Variants in XIRP2 observed in about 807,000 individuals in gnomAD.
XIRP2 encodes the protein xin actin binding repeat containing 2.
XIRP2 carries 236 observed loss-of-function variants against 277.0 expected under a neutral mutation model. The observed-to-expected ratio is 0.85, with a 90% CI of 0.77 to 0.95. The LOEUF is 0.95. Among genes scored for constraint, XIRP2 ranks in the 40% least tolerant of loss-of-function variants. The pLI is 0.00. For synonymous variants in XIRP2, 1,490 were observed against 1,416.5 expected (o/e 1.05, Z -1.17); for missense variants, 4,640 against 4,157.5 (o/e 1.12, Z -3.19).
intron 2 of XIRP2, among the ~76,000 whole-genome samples, chr2:167,086,293 G>A (rs1344204944): frequency 3.3e-5 from 5 of 152,188 alleles, no homozygotes; most frequent in East Asian, 3.9e-4. Flanking sequence ...TGGCTTGTAG[G>A]GTTTCTGCTG....
chr2:167,186,564 G>A (rs1022508795), intron 3 of XIRP2, among the ~76,000 whole-genome samples: 1 of 152,098 alleles, frequency 6.6e-6, no homozygotes, highest in African/African-American at 2.4e-5. Flanking sequence ...ATGAGATGTT[G>A]TCATTTTTGA....
chr2:166,906,877 A>G (rs952524797), intron 2 of XIRP2, among the ~76,000 whole-genome samples: 1 of 152,132 alleles, frequency 6.6e-6, no homozygotes, highest in Non-Finnish European at 1.5e-5. Flanking sequence ...CTATGATTGC[A>G]CCACTGCATT....
At chr2:167,110,825 T>G (rs2105294662) in intron 2 of XIRP2, among the ~76,000 whole-genome samples, 1 of 152,272 alleles carries the variant, frequency 6.6e-6, no homozygotes. Flanking sequence ...TTTCCATTTG[T>G]TTGTATCATT....
At chr2:167,085,722 T>C (rs1689920152) in intron 2 of XIRP2, among the ~76,000 whole-genome samples, 1 of 151,870 alleles carries the variant, frequency 6.6e-6, no homozygotes. Flanking sequence ...TCTTTTGATC[T>C]TTGTTGGTTT....
At chr2:167,190,663 G>T (rs1337200002) in intron 3 of XIRP2, among the ~76,000 whole-genome samples, 2 of 151,982 alleles carry the variant, frequency 1.3e-5, no homozygotes, top group Admixed American at 6.6e-5. Context: ...ATCAGTAAGA[G>T]CACAAAAAAC....
chr2:167,111,010 C>T lies in XIRP2; in HGVS notation c.409-24899C>T, dbSNP rs138831375. On this transcript the variant is annotated intron_variant, in intron 2 of 10. Transcript: ENST00000409195. ...TGTATAGGAGTGCTAGTGATTTTTG[C>T]GCGTTGATTTTGTATCCTGATGAAA... 7.0e-3 allele frequency among the ~76,000 whole-genome samples: 1,069 copies of T among 152,030 alleles called. 13 individuals carry two copies. The highest frequency in any genetic ancestry group is 0.024 in the African/African-American group (1,002 of 41,494).
At chr2:167,185,019 T>C (rs764846611) in intron 3 of XIRP2, among the ~76,000 whole-genome samples, 5 of 152,196 alleles carry the variant, frequency 3.3e-5, no homozygotes, top group Non-Finnish European at 7.3e-5. Flanking sequence ...TGTCTTGCTT[T>C]CATAGTGGTT....
intron 3 of XIRP2, among the ~76,000 whole-genome samples, chr2:167,162,441 A>G (rs1277089480): frequency 2.0e-5 from 3 of 152,194 alleles, no homozygotes; most frequent in Non-Finnish European, 4.4e-5. Context: ...GGTAGAAGAC[A>G]CATATCACAC....
intron 2 of XIRP2, among the ~76,000 whole-genome samples, chr2:166,942,302 T>G (rs964618289): frequency 2.6e-5 from 4 of 152,210 alleles, no homozygotes; most frequent in Admixed American, 1.3e-4. Context: ...AAGTTTAGCC[T>G]TGGAGTCAAG....
At chr2:167,136,469 C>T (rs994582821) in intron 3 of XIRP2, among the ~76,000 whole-genome samples, 1 of 152,004 alleles carries the variant, frequency 6.6e-6, no homozygotes, top group African/African-American at 2.4e-5. Flanking sequence ...AAATAAGATG[C>T]CTTAAGCATC....
intron 2 of XIRP2, among the ~76,000 whole-genome samples, chr2:166,961,385 G>A (rs1232742995): frequency 6.6e-6 from 1 of 151,636 alleles, no homozygotes; most frequent in Non-Finnish European, 1.5e-5. Context: ...GGGCCATGAG[G>A]TTGCTTTAAA....
chr2:167,131,131 C>G (rs1691362002), intron 2 of XIRP2, among the ~76,000 whole-genome samples: 1 of 152,060 alleles, frequency 6.6e-6, no homozygotes, highest in South Asian at 2.1e-4. Context: ...TTCAAGCTAC[C>G]AAGCTTGCAA....
chr2:167,228,259 T>C (rs1440007474), intron 5 of XIRP2, among the ~76,000 whole-genome samples: 1 of 152,172 alleles, frequency 6.6e-6, no homozygotes, highest in Non-Finnish European at 1.5e-5. Context: ...TGCTGAGGCA[T>C]GATCATAAAG....
At chr2:167,236,130 C>T (rs770607447) in intron 5 of XIRP2, among the ~76,000 whole-genome samples, 4 of 151,884 alleles carry the variant, frequency 2.6e-5, no homozygotes, top group African/African-American at 4.8e-5. Context: ...CATGAACTTC[C>T]GTTTTTTCCA....
Position 167,246,195 on chromosome 2 carries a change from CA to C in XIRP2, c.4804del (p.Arg1602GlyfsTer7), listed in dbSNP as rs778219560. Reference protein sequence around the residue: ...SPEIQKEEIIRADLRNIMVNL... With the variant: ...SPEIQKEEIIXADLRNIMVNL... ...CTGAGATACAGAAAGAAGAAATTAT[CA>C]GGGCTGATCTCAGAAATATAATGGT... On this transcript the variant is annotated frameshift_variant, in exon 9 of 11. Transcript: ENST00000409195. LOFTEE classifies it high-confidence loss of function. 1 of 1,612,252 alleles carries C rather than the reference CA, an allele frequency of 6.2e-7. No individual in the cohort carries two copies. Among genetic ancestry groups the C allele is most frequent in the South Asian group, 1.1e-5 (1 of 90,660 alleles).
At chr2:167,207,308 A>G (rs1693886438) in intron 3 of XIRP2, among the ~76,000 whole-genome samples, 1 of 152,192 alleles carries the variant, frequency 6.6e-6, no homozygotes, top group African/African-American at 2.4e-5. Flanking sequence ...GTGCATATCC[A>G]TAAGAATTCT....
chr2:167,194,018 T>C (rs1345152427), intron 3 of XIRP2, among the ~76,000 whole-genome samples: 1 of 152,056 alleles, frequency 6.6e-6, no homozygotes, highest in Non-Finnish European at 1.5e-5. Context: ...GGTGGATATA[T>C]AAAAGGAGTT....
At chr2:167,257,315 G>T (rs1695683604) in intron 10 of XIRP2, among the ~76,000 whole-genome samples, 1 of 151,868 alleles carries the variant, frequency 6.6e-6, no homozygotes, top group African/African-American at 2.4e-5. Flanking sequence ...TCTTGTTGAT[G>T]TATCTGTTTT....
Position 167,024,559 on chromosome 2 carries a change from T to C in XIRP2, c.409-111350T>C, listed in dbSNP as rs202198693. ...TTTTCAAAGGCAATGCTTCCAGTTTTTGCCCATTCAGTATGATATTGGCTG... is the reference window on the plus strand; with the variant it reads ...TTTTCAAAGGCAATGCTTCCAGTTTCTGCCCATTCAGTATGATATTGGCTG... On this transcript the variant is annotated intron_variant, in intron 2 of 10. Coordinates refer to ENST00000409195, the MANE Select transcript of XIRP2 (RefSeq NM_152381.6). Among the ~76,000 whole-genome samples, 147 of 152,298 alleles carry C rather than the reference T, an allele frequency of 9.7e-4. 4 individuals are homozygous for C. In the East Asian group the frequency reaches 0.024, roughly 24 times the overall value.
Sources: gnomAD v4.1 joint callset for allele counts (sites outside exome capture counted in the v4.1 genomes callset) on GRCh38, gnomAD v4.1.1 for gene constraint, MANE v1.5 for transcripts, NCBI Gene and HGNC (gene_info 2026-07-23, HGNC 2026-07-21) for gene names.